HADHA: variants seen among roughly 807,000 people sequenced by gnomAD.
HADHA encodes trifunctional enzyme subunit alpha, mitochondrial.
HADHA carries 59 observed loss-of-function variants against 91.3 expected under a neutral mutation model. The ratio of observed to expected loss-of-function variants is 0.65; its 90% CI spans 0.52 to 0.80. The LOEUF (loss-of-function observed/expected upper bound fraction) is 0.80, where lower values mean the gene tolerates loss of function less well. Among genes scored for constraint, HADHA ranks in the 30% least tolerant of loss-of-function variants. The pLI is 0.00. For synonymous variants in HADHA, 320 were observed against 338.9 expected, an observed-to-expected ratio of 0.94 and a Z score of 0.61; for missense variants, 800 against 927.6, an observed-to-expected ratio of 0.86 and a Z score of 1.79.
intron 10 of HADHA, chr2:26,212,325 G>C (rs934057943): frequency 2.0e-6 from 1 of 492,610 alleles, no homozygotes. Flanking sequence ...GAGCTCAAAC[G>C]ATCTGCCCAC....
chr2:26,221,225 G>A lies in HADHA; in HGVS notation c.677-6050C>T, dbSNP rs970320382. On this transcript the variant is annotated intron_variant, in intron 7 of 19. Transcript: ENST00000380649. The surrounding 1 kb of genome is among the most constrained non-coding windows in gnomAD (Gnocchi z 4.8). ...ACAAGAGAAGCTGTTCTGCCATTTGGGCCACGTGATTCAAACCTGATGGCG... is the reference window on the plus strand; with the variant it reads ...ACAAGAGAAGCTGTTCTGCCATTTGAGCCACGTGATTCAAACCTGATGGCG... Among the ~76,000 whole-genome samples the A allele has an allele frequency of 2.6e-5, 4 of 152,142 alleles. No individual in the cohort carries two copies. Among genetic ancestry groups the A allele is most frequent in the African/African-American group, 9.7e-5 (4 of 41,426 alleles).
intron 7 of HADHA, among the ~76,000 whole-genome samples, chr2:26,227,507 G>C (rs1175197416): frequency 4.1e-5 from 3 of 72,350 alleles, no homozygotes; most frequent in Non-Finnish European, 7.7e-5. Context: ...GCGAGACTTT[G>C]TCTCAAAAAA....
rs114452157 is a variant in HADHA, at chr2:26,242,042, C to T, written c.67+2488G>A. On this transcript the variant is annotated intron_variant, in intron 1 of 19. Transcript: ENST00000380649. ...TCAGCCTCCCGAGTAGTTGGGATTACAGACGTGTGCCACCACACCTGGCCA... is the reference window on the plus strand; with the variant it reads ...TCAGCCTCCCGAGTAGTTGGGATTATAGACGTGTGCCACCACACCTGGCCA... 5.1e-3 allele frequency among the ~76,000 whole-genome samples: 773 copies of T among 152,196 alleles called. 10 individuals are homozygous for T. The highest frequency in any genetic ancestry group is 0.018 in the African/African-American group (744 of 41,528).
chr2:26,244,620 G>A lies in HADHA; in HGVS notation c.-24C>T. 1 of 1,564,720 alleles carries A rather than the reference G, an allele frequency of 6.4e-7. No homozygotes were observed. The highest frequency in any genetic ancestry group is 8.7e-7 in the Non-Finnish European group (1 of 1,154,094). On this transcript the variant is annotated 5_prime_UTR_variant, in exon 1 of 20. Transcript: ENST00000380649. ...ATCTTGAGCTGAAGAGGACAGCAGT[G>A]GAGAGCGCCTCTAACGGGTGCGGCC...
At chr2:26,234,401 T>C (rs374836961) in intron 4 of HADHA, 46 bp from the exon 5 acceptor site, 871 of 1,544,438 alleles carry the variant, frequency 5.6e-4, no homozygotes, top group Non-Finnish European at 7.2e-4. Context: ...GATAAAACTA[T>C]AATTTATTTG....
At chr2:26,241,477 C>CAA (rs141836425) in intron 1 of HADHA, among the ~76,000 whole-genome samples, 57 of 136,998 alleles carry the variant, frequency 4.2e-4, no homozygotes, top group South Asian at 2.1e-3. Context: ...ACAACAACAA[C>CAA]AAAAAAAAAA....
At chr2:26,236,380 CTGTGTGTGTGTGTG>C (rs201544302) in intron 4 of HADHA, among the ~76,000 whole-genome samples, 44 of 111,104 alleles carry the variant, frequency 4.0e-4, no homozygotes, top group East Asian at 1.0e-3. Flanking sequence ...TATATATACT[CTGTGTGTGTGTGTG>C]TGTGTGTGTG....
Position 26,234,277 on chromosome 2 carries a change from T to C in HADHA, c.393A>G (p.Glu131=). ...CAGCCACAATAGGCTTTGTGGACTT[T>C]TCAAGTTTCTCAACTATTCTCTGTG... is the stretch of plus-strand genomic sequence containing the variant. ...QEAQRIVEKL[E]KSTKPIVAAI... The change falls in exon 5 of 20, where the codon GAA becomes GAG. Residue 131 remains glutamate (E), a synonymous_variant. Coordinates refer to ENST00000380649, the MANE Select transcript of HADHA (RefSeq NM_000182.5). 1.2e-6 allele frequency: 2 copies of C among 1,613,812 alleles called. No homozygotes were observed. The highest frequency in any genetic ancestry group is 1.7e-6 in the Non-Finnish European group (2 of 1,179,694).
intron 11 of HADHA, among the ~76,000 whole-genome samples, chr2:26,206,448 C>A (rs761270294): frequency 6.6e-6 from 1 of 151,968 alleles, no homozygotes; most frequent in South Asian, 2.1e-4. Context: ...AGGCTGGTCT[C>A]GAACTCCTGA....
chr2:26,201,113 T>C lies in HADHA; in HGVS notation c.1392+36A>G, dbSNP rs1462113625. 5 of 1,509,180 alleles carry C rather than the reference T, an allele frequency of 3.3e-6. No homozygotes were observed. The East Asian group carries it at 1.1e-4, about 34-fold the overall frequency. The allele number at this position is 1,509,180 out of a possible 1,614,324, so 93.5% of individuals were successfully genotyped here. A position where few individuals can be genotyped will look rare whatever the true frequency, so the allele number is the denominator to read the frequency against. On this transcript the variant is annotated intron_variant, in intron 13 of 19. Transcript: ENST00000380649. ...AAAAATCTCTGTGTTTTCTGTTCAC[T>C]ACACTAGGATTCAAGTACAACAGCC...
chr2:26,203,534 G>A (rs10179959), intron 12 of HADHA, among the ~76,000 whole-genome samples: 125,073 of 152,082 alleles, frequency 0.82, 51,786 homozygotes, highest in African/African-American at 0.93. Flanking sequence ...ACTGTGGAGG[G>A]ATCAGTTCAT....
Position 26,191,596 on chromosome 2 carries a change from A to G in HADHA, c.2033T>C (p.Val678Ala), listed in dbSNP as rs749316549. Reference protein sequence around the residue: ...SSDEDIQFRLVTRFVNEAVMC... With the variant: ...SSDEDIQFRLATRFVNEAVMC... ...GACTGCCTCATTCACAAATCTTGTCACCAGGCGGAACTGGATGTCTTCGTC... is the reference window on the plus strand; with the variant it reads ...GACTGCCTCATTCACAAATCTTGTCGCCAGGCGGAACTGGATGTCTTCGTC... The change falls in exon 19 of 20, where the codon GTG becomes GCG. Residue 678 changes from valine (V) to alanine (A), a missense_variant. Transcript: ENST00000380649. 3.0e-5 allele frequency: 49 copies of G among 1,614,010 alleles called. No homozygotes were observed. The highest frequency in any genetic ancestry group is 4.2e-5 in the Non-Finnish European group (49 of 1,180,000).
rs1670570192 is a variant in HADHA, at chr2:26,229,611, T to C, written c.676+581A>G. ...GACACAAGAAACTGAAGGAAGGTTA[T>C]GCATGGATAATGATACAGGTAATTT... is the stretch of plus-strand genomic sequence containing the variant. On this transcript the variant is annotated intron_variant, in intron 7 of 19. Coordinates refer to ENST00000380649, the MANE Select transcript of HADHA (RefSeq NM_000182.5). The surrounding 1 kb of genome is among the most constrained non-coding windows in gnomAD (Gnocchi z 4.3). Among the ~76,000 whole-genome samples the C allele has an allele frequency of 1.3e-5, 2 of 152,294 alleles. No homozygotes were observed. The highest frequency in any genetic ancestry group is 4.1e-4 in the South Asian group (2 of 4,826).
chr2:26,229,700 T>A lies in HADHA; in HGVS notation c.676+492A>T, dbSNP rs1670572584. Among the ~76,000 whole-genome samples, 2 of 152,204 alleles carry A rather than the reference T, an allele frequency of 1.3e-5. No homozygotes were observed. Among genetic ancestry groups the A allele is most frequent in the African/African-American group, 4.8e-5 (2 of 41,454 alleles). On this transcript the variant is annotated intron_variant, in intron 7 of 19. Coordinates refer to ENST00000380649, the MANE Select transcript of HADHA (RefSeq NM_000182.5). The surrounding 1 kb of genome is among the most constrained non-coding windows in gnomAD (Gnocchi z 4.3). ...CTAATGTTCTAATTATAAAGCAAAA[T>A]AAAAATCAGGGTGATGTTGAAAATG...
chr2:26,207,810 C>G (rs1317781049), intron 11 of HADHA, among the ~76,000 whole-genome samples: 1 of 151,976 alleles, frequency 6.6e-6, no homozygotes, highest in African/African-American at 2.4e-5. Context: ...CTTATTAGAA[C>G]TGATGGAATG....
In HADHA at chr2:26,236,828, G is replaced by T. The variant is rs77436632; in HGVS notation, c.314+27C>A. On this transcript the variant is annotated intron_variant, in intron 4 of 19. Transcript: ENST00000380649. ...AAACACACTATTAACCAAGATAAAA[G>T]GTGACTTCAAGTTTCCTAAAACTTA... 375 of 1,578,398 alleles carry T rather than the reference G, an allele frequency of 2.4e-4. No individual in the cohort carries two copies. In the African/African-American group the frequency reaches 4.4e-3, roughly 19 times the overall value.
At chr2:26,202,744 A>G (rs1441507563) in intron 12 of HADHA, among the ~76,000 whole-genome samples, 1 of 152,256 alleles carries the variant, frequency 6.6e-6, no homozygotes, top group African/African-American at 2.4e-5. Flanking sequence ...GTCTCAAAAG[A>G]AACAAAAACA....
intron 5 of HADHA, among the ~76,000 whole-genome samples, chr2:26,233,512 T>C (rs957762891): frequency 1.3e-5 from 2 of 152,154 alleles, no homozygotes; most frequent in African/African-American, 2.4e-5. Context: ...CTAGTAAGCA[T>C]CTCTTCTCTC....
In HADHA at chr2:26,192,169, G is replaced by A. The variant is rs1244827087; in HGVS notation, c.2000+141C>T. On this transcript the variant is annotated intron_variant, in intron 18 of 19. Transcript: ENST00000380649. ...AAAATGGAAGACAGCACCATGGCAC[G>A]TGTATACCTATGTAACAAACCTGCA... 12 of 637,462 alleles carry A rather than the reference G, an allele frequency of 1.9e-5. 1 individual carries two copies. Among genetic ancestry groups the A allele is most frequent in the African/African-American group, 1.3e-4 (7 of 54,260 alleles). 39.5% of individuals were successfully genotyped at this position (637,462 alleles called of 1,614,324 possible). A position where few individuals can be genotyped will look rare whatever the true frequency, so the allele number is the denominator to read the frequency against.
Sources: allele counts gnomAD v4.1 joint callset (sites outside exome capture counted in the v4.1 genomes callset), GRCh38; gene constraint gnomAD v4.1.1; non-coding constraint Gnocchi (gnomAD v3.1); transcripts MANE v1.5; gene names NCBI Gene and HGNC (gene_info 2026-07-23, HGNC 2026-07-21).